The following EAF2 variants were observed in gnomAD, a reference collection of about 807,000 sequenced individuals.
EAF2 encodes the protein ELL-associated factor 2.
A neutral mutation model predicts 29.4 loss-of-function variants in EAF2; 29 were observed. The ratio of observed to expected loss-of-function variants is 0.99; its 90% CI spans 0.73 to 1.35. The LOEUF (loss-of-function observed/expected upper bound fraction) is 1.35, where lower values mean the gene tolerates loss of function less well. EAF2 is among the 40% of genes most tolerant of loss of function. The pLI, the probability that EAF2 is intolerant of heterozygous loss-of-function variation, is 0.00. For missense variants in EAF2, 292 were observed against 312.0 expected (o/e 0.94, Z 0.48); for synonymous variants, 103 against 102.5 (o/e 1.00, Z -0.03).
intron 4 of EAF2, among the ~76,000 whole-genome samples, chr3:121,866,348 T>C (rs1010371241): frequency 6.6e-6 from 1 of 151,872 alleles, no homozygotes; most frequent in Admixed American, 6.6e-5. Context: ...CTAAACAGAG[T>C]GATTGCCTAC....
At chr3:121,879,803 G>A (rs1398943381) in intron 5 of EAF2, among the ~76,000 whole-genome samples, 1 of 151,652 alleles carries the variant, frequency 6.6e-6, no homozygotes, top group African/African-American at 2.4e-5. Context: ...ATACCATGCT[G>A]TTTTCTTAGG....
chr3:121,858,285 A>G (rs1708760182), intron 4 of EAF2, among the ~76,000 whole-genome samples: 2 of 152,252 alleles, frequency 1.3e-5, no homozygotes, highest in Admixed American at 1.3e-4. Flanking sequence ...CAGTCCCATC[A>G]ACAGTGTAAA....
At chr3:121,871,546 G>A (rs1002004897) in intron 4 of EAF2, among the ~76,000 whole-genome samples, 1 of 151,950 alleles carries the variant, frequency 6.6e-6, no homozygotes, top group Non-Finnish European at 1.5e-5. Flanking sequence ...AATATACCAG[G>A]CAGAGGAAAC....
At chr3:121,843,539 T>C (rs958009539) in intron 1 of EAF2, among the ~76,000 whole-genome samples, 1 of 152,152 alleles carries the variant, frequency 6.6e-6, no homozygotes, top group African/African-American at 2.4e-5. Context: ...TAATTTTTGT[T>C]CTCTTTTGCA....
intron 2 of EAF2, among the ~76,000 whole-genome samples, chr3:121,845,257 G>C (rs921535023): frequency 6.6e-6 from 1 of 151,904 alleles, no homozygotes; most frequent in African/African-American, 2.4e-5. Context: ...GGCCAACATG[G>C]TGAAGCCCTG....
chr3:121,866,695 A>T (rs1194519446), intron 4 of EAF2, among the ~76,000 whole-genome samples: 1 of 152,164 alleles, frequency 6.6e-6, no homozygotes, highest in East Asian at 1.9e-4. Flanking sequence ...ACTGCGCTCC[A>T]GCCTGGGCAA....
At chr3:121,878,876 C>T (rs1709146058) in intron 5 of EAF2, among the ~76,000 whole-genome samples, 1 of 152,110 alleles carries the variant, frequency 6.6e-6, no homozygotes, top group African/African-American at 2.4e-5. Context: ...CTTTGATATA[C>T]TGAGTTCCTT....
chr3:121,850,094 C>A (rs1379265864), intron 2 of EAF2, among the ~76,000 whole-genome samples: 1 of 150,680 alleles, frequency 6.6e-6, no homozygotes. Flanking sequence ...ATTTAGCTGA[C>A]ATTTTGTATG....
In EAF2 at chr3:121,840,501, AAAAAAAAG is replaced by A. The variant is rs1382750142; in HGVS notation, c.107-3944_107-3937del. On this transcript the variant is annotated intron_variant, in intron 1 of 5. Coordinates refer to ENST00000273668, the MANE Select transcript of EAF2 (RefSeq NM_018456.6). ...GGAGACTTCGTCTAAAAAAAAAAAAAAAAAAAAGAAAAAAAAAAAACGGGCCGGGTGCG... is the reference window on the plus strand; with the variant it reads ...GGAGACTTCGTCTAAAAAAAAAAAAAAAAAAAAAAAAACGGGCCGGGTGCG... Among the ~76,000 whole-genome samples the A allele has an allele frequency of 4.2e-4, 32 of 75,526 alleles. 2 individuals are homozygous for A. The highest frequency in any genetic ancestry group is 7.8e-4 in the Admixed American group (7 of 9,032). The allele number at this position is 75,526 out of a possible 152,430, so 49.5% of individuals were successfully genotyped here. A position where few individuals can be genotyped will look rare whatever the true frequency, so the allele number is the denominator to read the frequency against.
At chr3:121,852,026 G>A (rs1708644094) in intron 2 of EAF2, among the ~76,000 whole-genome samples, 1 of 152,124 alleles carries the variant, frequency 6.6e-6, no homozygotes, top group African/African-American at 2.4e-5. Flanking sequence ...AAATGTAGAT[G>A]GCAGGTGTAG....
rs776714462 is a variant in EAF2 at position 121,886,387 on chromosome 3, G to A, written c.782G>A (p.Ter261=). The A allele has an allele frequency of 8.9e-6, 13 of 1,457,808 alleles. No individual in the cohort carries two copies. The highest frequency in any genetic ancestry group is 2.6e-5 in the East Asian group (1 of 38,864). 90.3% of individuals were successfully genotyped at this position (1,457,808 alleles called of 1,614,324 possible). The change falls in exon 6 of 6, where the codon TGA becomes TAA. Residue 261 remains the stop codon, a stop_retained_variant. Coordinates refer to ENST00000273668, the MANE Select transcript of EAF2 (RefSeq NM_018456.6). Reference sequence around the variant, plus strand: ...GAATCAGGAAGTGACAGTGATGACTGAAGAAATATTTAGCTATAAATAAAA... The same window carrying A: ...GAATCAGGAAGTGACAGTGATGACTAAAGAAATATTTAGCTATAAATAAAA... ...LSESGSDSDD[*]
intron 1 of EAF2, among the ~76,000 whole-genome samples, chr3:121,843,931 T>C (rs758579155): frequency 1.3e-5 from 2 of 152,140 alleles, no homozygotes; most frequent in African/African-American, 4.8e-5. Context: ...TTCATTCATT[T>C]TGTTTGGATA....
At chr3:121,840,941 A>C (rs1708410180) in intron 1 of EAF2, among the ~76,000 whole-genome samples, 1 of 152,126 alleles carries the variant, frequency 6.6e-6, no homozygotes. Flanking sequence ...CTGCACCCTG[A>C]AATAGCTTCA....
intron 2 of EAF2, among the ~76,000 whole-genome samples, chr3:121,846,452 A>G (rs1323488943): frequency 6.6e-6 from 1 of 152,206 alleles, no homozygotes; most frequent in Non-Finnish European, 1.5e-5. Flanking sequence ...TTGGAAATTT[A>G]ATCTCCAGTA....
chr3:121,857,721 G>A (rs1239096828), intron 4 of EAF2, among the ~76,000 whole-genome samples: 1 of 151,822 alleles, frequency 6.6e-6, no homozygotes, highest in Non-Finnish European at 1.5e-5. Context: ...TGTACACAAC[G>A]TGCAGGTTTG....
chr3:121,849,542 G>C (rs1276135652), intron 2 of EAF2, among the ~76,000 whole-genome samples: 1 of 152,078 alleles, frequency 6.6e-6, no homozygotes, highest in Non-Finnish European at 1.5e-5. Flanking sequence ...TGCTTCTGTG[G>C]GCTTTTATGA....
intron 2 of EAF2, among the ~76,000 whole-genome samples, chr3:121,854,326 A>AC (rs1306323477): frequency 2.0e-5 from 3 of 151,552 alleles, no homozygotes; most frequent in Non-Finnish European, 4.4e-5. Context: ...AAAAAAAAAA[A>AC]AAAAAAAAGG....
chr3:121,880,954 G>A (rs1164666113), intron 5 of EAF2, among the ~76,000 whole-genome samples: 3 of 151,998 alleles, frequency 2.0e-5, no homozygotes, highest in Non-Finnish European at 4.4e-5. Context: ...GAATTTTATC[G>A]AATGCTTTTT....
intron 5 of EAF2, among the ~76,000 whole-genome samples, chr3:121,882,863 A>T (rs1709214656): frequency 1.3e-5 from 2 of 151,752 alleles, no homozygotes; most frequent in South Asian, 2.1e-4. Context: ...AATGAAATAA[A>T]CCATCTCTGA....
Sources: gnomAD v4.1 joint callset for allele counts (sites outside exome capture counted in the v4.1 genomes callset) on GRCh38, gnomAD v4.1.1 for gene constraint, MANE v1.5 for transcripts, NCBI Gene and HGNC (gene_info 2026-07-23, HGNC 2026-07-21) for gene names.